The following CHSY3 variants were observed in gnomAD, a reference collection of about 807,000 sequenced individuals.
The protein encoded by CHSY3 is N-acetylgalactosaminyl-proteoglycan 3-beta-glucuronosyltransferase 3.
A neutral mutation model predicts 67.2 loss-of-function variants in CHSY3; 35 were observed. That is an observed-to-expected ratio of 0.52 (90% confidence interval 0.40 to 0.69). CHSY3 has a LOEUF of 0.69. Ranked by LOEUF, CHSY3 falls within the 30% of genes least tolerant of loss-of-function variation. The pLI is 0.00. For missense variants in CHSY3, 1,069 were observed against 1,138.5 expected (o/e 0.94, Z 0.88); for synonymous variants, 474 against 434.7 (o/e 1.09, Z -1.12).
chr5:130,054,115 A>G (rs929884255), intron 2 of CHSY3, among the ~76,000 whole-genome samples: 16 of 151,930 alleles, frequency 1.1e-4, no homozygotes, highest in African/African-American at 1.9e-4. Context: ...CTTTACTTTC[A>G]CGCTTTGTAT....
intron 2 of CHSY3, among the ~76,000 whole-genome samples, chr5:130,023,584 C>G (rs765299670): frequency 3.3e-5 from 5 of 151,962 alleles, no homozygotes; most frequent in African/African-American, 1.2e-4. Flanking sequence ...AACCAAGGTT[C>G]GGTGAGAGCT....
chr5:129,972,361 C>T (rs2149614659), intron 2 of CHSY3, among the ~76,000 whole-genome samples: 1 of 152,096 alleles, frequency 6.6e-6, no homozygotes, highest in Admixed American at 6.6e-5. Flanking sequence ...TGTTTCCCTT[C>T]CTGCTTTCTA....
chr5:129,974,887 A>C (rs1039259757), intron 2 of CHSY3: 2 of 152,152 alleles, frequency 1.3e-5, no homozygotes, highest in African/African-American at 4.8e-5. Context: ...GAAATCTAAC[A>C]CTAGTGTTGT....
intron 2 of CHSY3, among the ~76,000 whole-genome samples, chr5:129,980,096 A>T (rs1412189718): frequency 2.0e-5 from 3 of 152,216 alleles, no homozygotes; most frequent in South Asian, 4.1e-4. Flanking sequence ...TTTTAACTCC[A>T]TAGGGTAAAT....
At chr5:130,019,596 T>C (rs756035651) in intron 2 of CHSY3, among the ~76,000 whole-genome samples, 1 of 152,212 alleles carries the variant, frequency 6.6e-6, no homozygotes, top group Non-Finnish European at 1.5e-5. Context: ...CTATGTTTAG[T>C]CTCTCTGGTT....
intron 2 of CHSY3, among the ~76,000 whole-genome samples, chr5:130,108,265 A>C (rs962270112): frequency 6.6e-6 from 1 of 151,582 alleles, no homozygotes; most frequent in Admixed American, 6.6e-5. Flanking sequence ...AGTTATCTAA[A>C]CATCAAGCTC....
chr5:130,015,119 G>A (rs1031528593), intron 2 of CHSY3, among the ~76,000 whole-genome samples: 2 of 152,150 alleles, frequency 1.3e-5, no homozygotes, highest in African/African-American at 4.8e-5. Flanking sequence ...TCTCATGATA[G>A]TGAGTTTTTC....
chr5:130,131,822 A>G (rs1390242122), intron 2 of CHSY3, among the ~76,000 whole-genome samples: 4 of 152,170 alleles, frequency 2.6e-5, no homozygotes, highest in Admixed American at 1.3e-4. Flanking sequence ...TGTGCCCCAG[A>G]GCCTGGAACA....
At chr5:129,991,710 A>C (rs80098346) in intron 2 of CHSY3, among the ~76,000 whole-genome samples, 3 of 152,288 alleles carry the variant, frequency 2.0e-5, no homozygotes, top group Non-Finnish European at 4.4e-5. Context: ...GGCAATAGCT[A>C]TCACTGGATG....
intron 2 of CHSY3, among the ~76,000 whole-genome samples, chr5:129,935,772 G>T (rs573820533): frequency 6.6e-6 from 1 of 152,126 alleles, no homozygotes; most frequent in African/African-American, 2.4e-5. Context: ...CTAAACTGAA[G>T]CTGCCACATG....
intron 2 of CHSY3, among the ~76,000 whole-genome samples, chr5:129,968,638 C>A (rs1762534912): frequency 6.6e-6 from 1 of 151,776 alleles, no homozygotes; most frequent in South Asian, 2.1e-4. Flanking sequence ...CTGTAAAGGA[C>A]AGGTGTTTCT....
chr5:129,979,002 T>C (rs1762892199), intron 2 of CHSY3, among the ~76,000 whole-genome samples: 2 of 151,452 alleles, frequency 1.3e-5, no homozygotes, highest in South Asian at 4.2e-4. Context: ...ATTGAGACCA[T>C]CCTGGCTAAC....
chr5:130,055,833 G>A (rs1765515020), intron 2 of CHSY3, among the ~76,000 whole-genome samples: 1 of 152,010 alleles, frequency 6.6e-6, no homozygotes, highest in African/African-American at 2.4e-5. Flanking sequence ...GCTCATGCAG[G>A]GCAGTGGCAG....
chr5:130,046,140 C>G (rs1421985513), intron 2 of CHSY3, among the ~76,000 whole-genome samples: 4 of 152,008 alleles, frequency 2.6e-5, no homozygotes, highest in Non-Finnish European at 4.4e-5. Flanking sequence ...GGGGAGGCTA[C>G]TTTATTAATA....
At chr5:130,173,263 A>G (rs1769948406) in intron 2 of CHSY3, among the ~76,000 whole-genome samples, 1 of 152,132 alleles carries the variant, frequency 6.6e-6, no homozygotes, top group African/African-American at 2.4e-5. Flanking sequence ...AAGAGACAAA[A>G]TATTTTATTT....
intron 2 of CHSY3, among the ~76,000 whole-genome samples, chr5:130,100,343 C>A (rs1047063326): frequency 7.2e-6 from 1 of 139,812 alleles, no homozygotes; most frequent in African/African-American, 2.7e-5. Flanking sequence ...CACCACCATG[C>A]TTGGCTATTT....
intron 2 of CHSY3, among the ~76,000 whole-genome samples, chr5:130,152,668 T>C (rs76772719): frequency 0.025 from 3,765 of 152,276 alleles, 147 homozygotes; most frequent in African/African-American, 0.084. Flanking sequence ...GACACAAGTT[T>C]CCTTTGAAAG....
intron 2 of CHSY3, among the ~76,000 whole-genome samples, chr5:130,127,023 T>C (rs555648162): frequency 6.6e-5 from 10 of 152,222 alleles, no homozygotes; most frequent in South Asian, 2.1e-4. Flanking sequence ...ATGAAAGATA[T>C]TGGCATCTCC....
intron 2 of CHSY3, chr5:130,001,665 A>G: frequency 5.3e-6 from 4 of 757,116 alleles, no homozygotes; most frequent in Non-Finnish European, 6.4e-6. Context: ...AGAGTAATTT[A>G]TAAGCCTGCG....
Sources: gnomAD v4.1 joint callset for allele counts (sites outside exome capture counted in the v4.1 genomes callset) on GRCh38, gnomAD v4.1.1 for gene constraint, MANE v1.5 for transcripts, NCBI Gene and HGNC (gene_info 2026-07-23, HGNC 2026-07-21) for gene names.